The following PHLPP1 variants were observed in gnomAD, a reference collection of about 807,000 sequenced individuals.
The protein encoded by PHLPP1 is PH domain leucine-rich repeat-containing protein phosphatase 1.
In PHLPP1, 42 loss-of-function variants were observed where a neutral mutation model predicts 117.2. That is an observed-to-expected ratio of 0.36 (90% CI 0.28 to 0.46). PHLPP1 has a LOEUF of 0.46. PHLPP1 is among the 20% of genes least tolerant of loss of function. The pLI is 1.00. For synonymous variants in PHLPP1, 1,042 were observed against 970.7 expected (o/e 1.07, Z -1.37); for missense variants, 2,084 against 2,241.9 (o/e 0.93, Z 1.42).
chr18:62,814,158 T>C (rs1225696349), intron 1 of PHLPP1, among the ~76,000 whole-genome samples: 1 of 152,188 alleles, frequency 6.6e-6, no homozygotes, highest in Non-Finnish European at 1.5e-5. Flanking sequence ...ATTTGGGAGA[T>C]ATAAATAAAC....
At chr18:62,719,454 G>A (rs1446575030) in intron 1 of PHLPP1, among the ~76,000 whole-genome samples, 2 of 152,192 alleles carry the variant, frequency 1.3e-5, no homozygotes, top group Non-Finnish European at 2.9e-5. Flanking sequence ...TCTCATTTAT[G>A]GAAACGTTGT....
chr18:62,885,384 G>A (rs888262840), intron 4 of PHLPP1, among the ~76,000 whole-genome samples: 4 of 152,088 alleles, frequency 2.6e-5, no homozygotes, highest in African/African-American at 2.4e-5. Context: ...TATATTGGCC[G>A]GGCGTGGTGG....
At chr18:62,933,088 A>G (rs1909865500) in intron 10 of PHLPP1, among the ~76,000 whole-genome samples, 1 of 152,202 alleles carries the variant, frequency 6.6e-6, no homozygotes, top group Non-Finnish European at 1.5e-5. Context: ...GGAGAACTAT[A>G]AGACACTGAT....
chr18:62,744,969 A>T (rs1181710764), intron 1 of PHLPP1, among the ~76,000 whole-genome samples: 1 of 152,236 alleles, frequency 6.6e-6, no homozygotes, highest in Non-Finnish European at 1.5e-5. Context: ...GTCCAAAGGA[A>T]GGAAGTACAG....
chr18:62,966,103 T>G (rs1356378876), intron 14 of PHLPP1, among the ~76,000 whole-genome samples: 1 of 152,086 alleles, frequency 6.6e-6, no homozygotes, highest in Non-Finnish European at 1.5e-5. Context: ...TGTGTGACCA[T>G]GGGCAGTTTC....
chr18:62,958,059 G>A (rs959043201), intron 12 of PHLPP1, among the ~76,000 whole-genome samples: 1 of 152,068 alleles, frequency 6.6e-6, no homozygotes, highest in Non-Finnish European at 1.5e-5. Context: ...GAATAGCTGG[G>A]ATTACAGGCT....
At chr18:62,778,633 T>TA (rs1913032043) in intron 1 of PHLPP1, among the ~76,000 whole-genome samples, 1 of 152,208 alleles carries the variant, frequency 6.6e-6, no homozygotes, top group Non-Finnish European at 1.5e-5. Context: ...TTAGAAATAA[T>TA]ACAAGCGTGT....
chr18:62,783,871 T>A (rs1184902361), intron 1 of PHLPP1, among the ~76,000 whole-genome samples: 1 of 152,164 alleles, frequency 6.6e-6, no homozygotes, highest in African/African-American at 2.4e-5. Context: ...TTTAGAGAAC[T>A]TATACTTCTC....
chr18:62,839,748 A>G (rs1485259561), intron 3 of PHLPP1: 1 of 146,616 alleles, frequency 6.8e-6, no homozygotes, highest in Non-Finnish European at 1.5e-5. Flanking sequence ...GTATATATAT[A>G]ATATAATATA....
intron 12 of PHLPP1, among the ~76,000 whole-genome samples, chr18:62,957,769 G>A (rs370651886): frequency 1.3e-5 from 2 of 151,458 alleles, no homozygotes; most frequent in East Asian, 3.9e-4. Context: ...AGGCTGGAGT[G>A]CAATGGTGCG....
intron 1 of PHLPP1, among the ~76,000 whole-genome samples, chr18:62,757,110 A>G (rs1250106035): frequency 2.0e-5 from 3 of 152,242 alleles, no homozygotes; most frequent in Non-Finnish European, 2.9e-5. Flanking sequence ...TTATTTGTAC[A>G]GACGTCAACA....
intron 1 of PHLPP1, among the ~76,000 whole-genome samples, chr18:62,721,686 TCTTTTG>T: frequency 6.6e-6 from 1 of 152,168 alleles, no homozygotes; most frequent in African/African-American, 2.4e-5. Context: ...AATTCGTGTG[TCTTTTG>T]TACTCATTGA....
At chr18:62,844,814 G>T (rs1178177063) in intron 3 of PHLPP1, among the ~76,000 whole-genome samples, 3 of 152,186 alleles carry the variant, frequency 2.0e-5, no homozygotes, top group Non-Finnish European at 4.4e-5. Context: ...AACACTTGTG[G>T]AAAAGGGCAT....
In PHLPP1 at chr18:62,903,037, G is replaced by C; in HGVS notation, c.2518G>C (p.Asp840His). 6.2e-7 allele frequency: 1 copy of C among 1,613,320 alleles called. No homozygotes were observed. ...GCATGTTACTCAGCTTGACCTACGA[G>C]ACAATAAGCTTGGTGATCTAGATGC... is the stretch of plus-strand genomic sequence containing the variant. ...LQHVTQLDLRDNKLGDLDAMI... is the reference protein window; with the variant it reads ...LQHVTQLDLRHNKLGDLDAMI... Residue 840 changes from aspartate to histidine, a missense_variant, in exon 7 of 17, where the codon GAC (aspartate) becomes CAC (histidine). Physicochemically the swap from Asp to His is moderately conservative, Grantham distance 81. This residue lies in a region of PHLPP1 where 1,365 missense variants were observed against 1,605.9 expected (regional missense o/e 0.85). Transcript: ENST00000262719.
intron 2 of PHLPP1, among the ~76,000 whole-genome samples, chr18:62,831,840 T>C (rs1416272592): frequency 6.6e-6 from 1 of 152,232 alleles, no homozygotes. Flanking sequence ...AGAAGGCTAA[T>C]ACTTGATCAT....
At chr18:62,772,539 T>C (rs1568112488) in intron 1 of PHLPP1, among the ~76,000 whole-genome samples, 2 of 152,024 alleles carry the variant, frequency 1.3e-5, no homozygotes, top group African/African-American at 4.8e-5. Flanking sequence ...TAAAAAATAA[T>C]TAAATTTAAA....
intron 4 of PHLPP1, among the ~76,000 whole-genome samples, chr18:62,864,005 ATTTG>A (rs1915702621): frequency 1.1e-5 from 1 of 95,174 alleles, no homozygotes; most frequent in East Asian, 2.4e-4. Flanking sequence ...TTAAAAATTT[ATTTG>A]TTTATTTATT....
intron 3 of PHLPP1, among the ~76,000 whole-genome samples, chr18:62,846,026 A>T (rs904196467): frequency 3.9e-5 from 6 of 152,066 alleles, no homozygotes; most frequent in Non-Finnish European, 7.4e-5. Flanking sequence ...CAAGAAGGTG[A>T]AACCCCGTCT....
intron 4 of PHLPP1, among the ~76,000 whole-genome samples, chr18:62,879,359 A>G (rs1349235358): frequency 6.6e-6 from 1 of 152,056 alleles, no homozygotes; most frequent in African/African-American, 2.4e-5. Context: ...CAGAACTGTG[A>G]GAAATCAATT....
Sources: allele counts gnomAD v4.1 joint callset (sites outside exome capture counted in the v4.1 genomes callset), GRCh38; gene constraint gnomAD v4.1.1; regional missense constraint gnomAD v4.1.1; transcripts MANE v1.5; gene names NCBI Gene and HGNC (gene_info 2026-07-23, HGNC 2026-07-21).